Variants in TMPRSS9 observed in about 807,000 individuals in gnomAD.
The protein encoded by TMPRSS9 is transmembrane protease serine 9.
Under a neutral mutation model 111.4 loss-of-function variants are expected in TMPRSS9, and 113 were observed. The observed-to-expected ratio is 1.01, with a 90% confidence interval of 0.87 to 1.19. The LOEUF is 1.19. Among genes scored for constraint, TMPRSS9 ranks in the 50% most tolerant of loss-of-function variants. The pLI is 0.00. For missense variants in TMPRSS9, 1,803 were observed against 1,513.1 expected (o/e 1.19, Z -3.18); for synonymous variants, 805 against 659.1 (o/e 1.22, Z -3.39).
intron 14 of TMPRSS9, among the ~76,000 whole-genome samples, chr19:2,422,922 T>C (rs1192795813): frequency 1.3e-5 from 2 of 151,942 alleles, no homozygotes; most frequent in African/African-American, 4.8e-5. Flanking sequence ...CCAGGCGTGA[T>C]GGTGCATGCC....
chr19:2,363,806 G>A (rs775532614), intron 1 of TMPRSS9, among the ~76,000 whole-genome samples: 2 of 120,002 alleles, frequency 1.7e-5, no homozygotes, highest in African/African-American at 3.7e-5. Flanking sequence ...GTGTGTGTGC[G>A]TGCGCGCGTG....
At chr19:2,394,013 C>CAACAT (rs1480597446) in intron 1 of TMPRSS9, among the ~76,000 whole-genome samples, 3 of 151,624 alleles carry the variant, frequency 2.0e-5, no homozygotes, top group African/African-American at 7.3e-5. Context: ...CCATCCTGGC[C>CAACAT]AACATGATGA....
chr19:2,408,410 C>G, exon 8 of TMPRSS9: 1 of 1,613,854 alleles, frequency 6.2e-7, no homozygotes, highest in Non-Finnish European at 8.5e-7. Context: ...ACCTCAGCGG[C>G]TCGGAGGCCA....
At chr19:2,386,666 G>A (rs927361580), upstream of TMPRSS9, among the ~76,000 whole-genome samples, 1 of 152,156 alleles carries the variant, frequency 6.6e-6, no homozygotes, top group Non-Finnish European at 1.5e-5. Context: ...GGAGAGTGAA[G>A]GGACACAGTC....
At chr19:2,363,073 C>T (rs1242394283) in intron 1 of TMPRSS9, among the ~76,000 whole-genome samples, 1 of 152,180 alleles carries the variant, frequency 6.6e-6, no homozygotes, top group Admixed American at 6.5e-5. Context: ...TGCAGAGCCT[C>T]ACGCCGCCTG....
At chr19:2,415,969 C>A in intron 11 of TMPRSS9, 128 bp downstream of exon 12, 1 of 1,141,794 alleles carries the variant, frequency 8.8e-7, no homozygotes, top group Non-Finnish European at 1.2e-6. Context: ...CTCCTGAGGG[C>A]AGCTGAGAGA....
At chr19:2,362,341 G>T (rs1970207388) in intron 1 of TMPRSS9, among the ~76,000 whole-genome samples, 1 of 152,014 alleles carries the variant, frequency 6.6e-6, no homozygotes, top group Non-Finnish European at 1.5e-5. Context: ...ATTGTGTGTG[G>T]TTGTGCGAGA....
chr19:2,403,338 G>A (rs1362485400), intron 6 of TMPRSS9, 143 bp downstream of exon 7: 2 of 684,996 alleles, frequency 2.9e-6, no homozygotes, highest in Non-Finnish European at 5.0e-6. Flanking sequence ...AAAGAAAGGG[G>A]CACCCATGGT....
chr19:2,378,868 G>A (rs1486877294), intron 1 of TMPRSS9, among the ~76,000 whole-genome samples: 1 of 152,196 alleles, frequency 6.6e-6, no homozygotes, highest in African/African-American at 2.4e-5. Flanking sequence ...CGGTAGGAGA[G>A]AGAAGAATGA....
In TMPRSS9 at chr19:2,424,903, C is replaced by T. The variant is rs543898507; in HGVS notation, c.2718-99C>T. On this transcript the variant is annotated intron_variant, in intron 15 of 17. Coordinates refer to ENST00000648592, the Ensembl canonical transcript of TMPRSS9. ...CAGCCAGAGACCAAGAGGCCAATAACCCTGCCCAGGGTGCCAGCCGGCCGC... is the reference window on the plus strand; with the variant it reads ...CAGCCAGAGACCAAGAGGCCAATAATCCTGCCCAGGGTGCCAGCCGGCCGC... The T allele has an allele frequency of 2.1e-5, 28 of 1,341,522 alleles. 1 individual carries two copies. The South Asian group carries it at 2.6e-4, about 12-fold the overall frequency. 83.1% of individuals were successfully genotyped at this position (1,341,522 alleles called of 1,614,324 possible). A position where few individuals can be genotyped will look rare whatever the true frequency, so the allele number is the denominator to read the frequency against.
rs370958140 is a variant in TMPRSS9, at chr19:2,373,031, G to A, written c.-26+12671G>A. On this transcript the variant is annotated intron_variant, in intron 1 of 17. Transcript: ENST00000649857. The stretch of plus-strand genomic sequence containing the variant: ...TATTTTTTGTGGAGATGGGGGTCTC[G>A]CCATGTTGCTCAGGCTGGTCTCAAC... Among the ~76,000 whole-genome samples the A allele has an allele frequency of 3.3e-5, 5 of 151,766 alleles. No homozygotes were observed. In the South Asian group the frequency reaches 8.3e-4, roughly 25 times the overall value.
chr19:2,415,661 T>A lies in TMPRSS9; in HGVS notation c.1574-9T>A, dbSNP rs1262636982. The A allele has an allele frequency of 6.3e-7, 1 of 1,579,574 alleles. No homozygotes were observed. The highest frequency in any genetic ancestry group is 1.7e-5 in the Admixed American group (1 of 57,534). On this transcript the variant is annotated splice_polypyrimidine_tract_variant and intron_variant, in intron 10 of 17. Coordinates refer to ENST00000648592, the Ensembl canonical transcript of TMPRSS9. ...GATCCCCAGACCTGGTCTTGTGTCC[T>A]CCTTCCAGAATGTGGGGCCAGGCCT...
At chr19:2,416,077 G>A (rs531735330) in intron 11 of TMPRSS9, among the ~76,000 whole-genome samples, 7 of 152,170 alleles carry the variant, frequency 4.6e-5, no homozygotes, top group South Asian at 2.1e-4. Flanking sequence ...CCCAGGCAGC[G>A]TTTATCTTGG....
At chr19:2,386,429 T>A (rs192603932), upstream of TMPRSS9, among the ~76,000 whole-genome samples, 1 of 148,944 alleles carries the variant, frequency 6.7e-6, no homozygotes, top group Non-Finnish European at 1.5e-5. Flanking sequence ...GGCGTGAACC[T>A]GGGAGGCGGA....
intron 1 of TMPRSS9, among the ~76,000 whole-genome samples, chr19:2,379,973 T>A (rs957034633): frequency 1.3e-5 from 2 of 151,744 alleles, no homozygotes; most frequent in African/African-American, 4.8e-5. Flanking sequence ...GGTCTCGACC[T>A]CCCATAGTGC....
chr19:2,401,664 A>G (rs1157258340), intron 4 of TMPRSS9, among the ~76,000 whole-genome samples: 2 of 151,594 alleles, frequency 1.3e-5, no homozygotes, highest in South Asian at 2.1e-4. Flanking sequence ...CTGGAGTACA[A>G]TGGTGTGATC....
chr19:2,384,793 C>A (rs1229584549), upstream of TMPRSS9, among the ~76,000 whole-genome samples: 1 of 132,256 alleles, frequency 7.6e-6, no homozygotes, highest in South Asian at 2.4e-4. Context: ...CCAGCCTGGG[C>A]GACAGAGTAA....
At chr19:2,415,098 C>G (rs1971196501) in intron 10 of TMPRSS9, among the ~76,000 whole-genome samples, 1 of 151,756 alleles carries the variant, frequency 6.6e-6, no homozygotes, top group Non-Finnish European at 1.5e-5. Context: ...GTGCCCATCA[C>G]CATGCTTGGC....
intron 1 of TMPRSS9, among the ~76,000 whole-genome samples, chr19:2,374,347 T>G (rs1258169929): frequency 7.4e-6 from 1 of 134,472 alleles, no homozygotes; most frequent in Non-Finnish European, 1.5e-5. Flanking sequence ...CCGAGGCCGG[T>G]GGATCACCTG....
Sources: allele counts gnomAD v4.1 joint callset (sites outside exome capture counted in the v4.1 genomes callset), GRCh38; gene constraint gnomAD v4.1.1; transcripts MANE v1.5; gene names NCBI Gene and HGNC (gene_info 2026-07-23, HGNC 2026-07-21).